SLC35F3: variants seen among roughly 807,000 people sequenced by gnomAD.
SLC35F3 encodes solute carrier family 35 member F3.
SLC35F3 carries 25 observed loss-of-function variants against 49.9 expected under a neutral mutation model. The observed-to-expected ratio is 0.50, with a 90% CI of 0.37 to 0.70. The LOEUF (loss-of-function observed/expected upper bound fraction) is 0.70. Among genes scored for constraint, SLC35F3 ranks in the 30% least tolerant of loss-of-function variants. The pLI is 0.00. For synonymous variants in SLC35F3, 275 were observed against 265.4 expected, an observed-to-expected ratio of 1.04 and a Z score of -0.35; for missense variants, 525 against 639.8, an observed-to-expected ratio of 0.82 and a Z score of 1.94.
At chr1:233,955,764 T>A (rs1455304132) in intron 2 of SLC35F3, among the ~76,000 whole-genome samples, 1 of 115,000 alleles carries the variant, frequency 8.7e-6, no homozygotes, top group Non-Finnish European at 2.0e-5. Flanking sequence ...TCTCACGAAC[T>A]GTTTTTTTTT....
chr1:234,085,448 A>G (rs1448877230), intron 2 of SLC35F3, among the ~76,000 whole-genome samples: 1 of 152,168 alleles, frequency 6.6e-6, no homozygotes, highest in Non-Finnish European at 1.5e-5. Flanking sequence ...ATTTGGAGAT[A>G]AGTATTCCCC....
intron 3 of SLC35F3, among the ~76,000 whole-genome samples, chr1:234,240,170 TA>T (rs1667531506): frequency 3.9e-5 from 6 of 152,302 alleles, no homozygotes; most frequent in African/African-American, 1.4e-4. Context: ...TATGAGGTCA[TA>T]AAATGATGAG....
chr1:233,972,166 G>A (rs1304191556), intron 2 of SLC35F3, among the ~76,000 whole-genome samples: 1 of 152,370 alleles, frequency 6.6e-6, no homozygotes, highest in East Asian at 1.9e-4. Flanking sequence ...TGAGAACAGC[G>A]TGGTGGATTG....
At chr1:234,098,163 C>T (rs1240362430) in intron 2 of SLC35F3, among the ~76,000 whole-genome samples, 48 of 73,238 alleles carry the variant, frequency 6.6e-4, no homozygotes, top group Middle Eastern at 0.014. Flanking sequence ...TGGTGTTATA[C>T]GGTGATGATG....
chr1:234,023,731 A>G (rs1663935488), intron 2 of SLC35F3, among the ~76,000 whole-genome samples: 1 of 152,026 alleles, frequency 6.6e-6, no homozygotes. Context: ...AGTCACGCTG[A>G]TAATATGCAC....
intron 2 of SLC35F3, among the ~76,000 whole-genome samples, chr1:233,970,619 A>G (rs1662976705): frequency 6.6e-6 from 1 of 152,188 alleles, no homozygotes; most frequent in Non-Finnish European, 1.5e-5. Flanking sequence ...GCCTTTAAAG[A>G]GGCAGTTAAA....
At chr1:234,122,295 G>A (rs972387733) in intron 2 of SLC35F3, among the ~76,000 whole-genome samples, 5 of 152,200 alleles carry the variant, frequency 3.3e-5, no homozygotes, top group African/African-American at 4.8e-5. Context: ...AAACTTTGAC[G>A]TCTGACCAGG....
intron 2 of SLC35F3, among the ~76,000 whole-genome samples, chr1:234,145,657 A>T (rs527528513): frequency 6.6e-6 from 1 of 152,268 alleles, no homozygotes; most frequent in African/African-American, 2.4e-5. Flanking sequence ...ACAGTACAAC[A>T]TTTACACTGT....
chr1:234,190,851 T>C (rs1181401913), intron 2 of SLC35F3, among the ~76,000 whole-genome samples: 1 of 152,158 alleles, frequency 6.6e-6, no homozygotes, highest in East Asian at 1.9e-4. Context: ...CTTGAGACCG[T>C]CATTACAAGA....
chr1:234,168,531 G>A lies in SLC35F3; in HGVS notation c.284-62886G>A, dbSNP rs577953145. Among the ~76,000 whole-genome samples the A allele has an allele frequency of 3.7e-4, 57 of 152,350 alleles. 1 individual carries two copies. The South Asian group carries it at 8.7e-3, about 23-fold the overall frequency. On this transcript the variant is annotated intron_variant, in intron 2 of 7. Transcript: ENST00000366618. ...CAGCAGAGTGCCTCTCCGGGCCGCC[G>A]TTCCAAGTTGGACAGGACAAGACAG...
intron 2 of SLC35F3, among the ~76,000 whole-genome samples, chr1:234,206,444 G>GGC (rs1666970794): frequency 7.2e-6 from 1 of 139,504 alleles, no homozygotes; most frequent in Non-Finnish European, 1.5e-5. Flanking sequence ...GTCATGGCAG[G>GGC]ACTTTCCTGG....
chr1:233,948,777 T>C (rs1243171387), intron 2 of SLC35F3, among the ~76,000 whole-genome samples: 1 of 149,892 alleles, frequency 6.7e-6, no homozygotes, highest in African/African-American at 2.5e-5. Context: ...GTGATCTCAT[T>C]GTTCAGTTCC....
At chr1:234,184,670 C>G (rs1327995974) in intron 2 of SLC35F3, among the ~76,000 whole-genome samples, 1 of 152,194 alleles carries the variant, frequency 6.6e-6, no homozygotes, top group African/African-American at 2.4e-5. Flanking sequence ...GGCCAGCACA[C>G]AGTTTCCAGG....
intron 2 of SLC35F3, among the ~76,000 whole-genome samples, chr1:234,129,514 C>G (rs1665701178): frequency 6.6e-6 from 1 of 152,164 alleles, no homozygotes; most frequent in South Asian, 2.1e-4. Flanking sequence ...TGTCACTTCC[C>G]CAACATTGAT....
chr1:234,185,930 A>G (rs965781243), intron 2 of SLC35F3, among the ~76,000 whole-genome samples: 1 of 152,168 alleles, frequency 6.6e-6, no homozygotes, highest in Non-Finnish European at 1.5e-5. Flanking sequence ...GCAACTCATG[A>G]TGTCCTGCTG....
At chr1:234,306,234 C>T (rs1467164950) in intron 3 of SLC35F3, among the ~76,000 whole-genome samples, 1 of 152,168 alleles carries the variant, frequency 6.6e-6, no homozygotes, top group Non-Finnish European at 1.5e-5. Flanking sequence ...AATCTCAGCT[C>T]ACTGCAACCT....
intron 2 of SLC35F3, among the ~76,000 whole-genome samples, chr1:233,983,183 CCTCT>C (rs1001877217): frequency 5.3e-5 from 8 of 151,286 alleles, no homozygotes; most frequent in South Asian, 4.2e-4. Context: ...TGCCGCCCTC[CCTCT>C]CTATCTCTCA....
chr1:234,222,756 T>C (rs576082725), intron 2 of SLC35F3, among the ~76,000 whole-genome samples: 23 of 152,284 alleles, frequency 1.5e-4, no homozygotes, highest in Non-Finnish European at 2.6e-4. Context: ...CAAATTTCAG[T>C]CCACATAGAA....
At chr1:234,275,022 A>G (rs2102977308) in intron 3 of SLC35F3, among the ~76,000 whole-genome samples, 1 of 152,312 alleles carries the variant, frequency 6.6e-6, no homozygotes, top group South Asian at 2.1e-4. Flanking sequence ...ACCTTGTGAC[A>G]TATATTGCCA....
Sources: allele counts gnomAD v4.1 joint callset (sites outside exome capture counted in the v4.1 genomes callset), GRCh38; gene constraint gnomAD v4.1.1; transcripts MANE v1.5; gene names NCBI Gene and HGNC (gene_info 2026-07-23, HGNC 2026-07-21).